The following PTH1R variants were observed in gnomAD, a reference collection of about 807,000 sequenced individuals.
The protein encoded by PTH1R is parathyroid hormone/parathyroid hormone-related peptide receptor.
Under a neutral mutation model 70.7 loss-of-function variants are expected in PTH1R, and 32 were observed. That is an observed-to-expected ratio of 0.45 (90% confidence interval 0.34 to 0.61). The LOEUF (loss-of-function observed/expected upper bound fraction) is 0.61. PTH1R is among the 20% of genes least tolerant of loss of function. PTH1R has a pLI of 0.01. For synonymous variants in PTH1R, 329 were observed against 324.8 expected, an observed-to-expected ratio of 1.01 and a Z score of -0.14; for missense variants, 626 against 792.5, an observed-to-expected ratio of 0.79 and a Z score of 2.52.
Position 46,895,811 on chromosome 3 carries a change from G to A in PTH1R, c.255G>A (p.Gly85=), listed in dbSNP as rs1199390407. The A allele has an allele frequency of 1.2e-5, 20 of 1,614,138 alleles. No homozygotes were observed. Among genetic ancestry groups the A allele is most frequent in the Non-Finnish European group, 1.6e-5 (19 of 1,180,036 alleles). The part of the protein sequence containing the change: ...SGKPRKDKAS[G]KLYPESEEDK... The stretch of plus-strand genomic sequence containing the variant: ...AGCCCAGGAAAGATAAGGCATCTGG[G>A]AAGCTCTACCCTGAGTCTGAGGAGG... The change falls in exon 5 of 16, where the codon GGG becomes GGA. Residue 85 remains glycine (G), a synonymous_variant. Coordinates refer to ENST00000449590, the MANE Select transcript of PTH1R (RefSeq NM_000316.3).
chr3:46,892,922 C>G lies in PTH1R; in HGVS notation c.76-985C>G. On this transcript the variant is annotated intron_variant, in intron 3 of 15. Transcript: ENST00000449590. The surrounding 1 kb of genome is among the most constrained non-coding windows in gnomAD (Gnocchi z 5.2). ...GGGCTGAGGGCTTCACAGCCCCGCC[C>G]TGGGGAGGTTTCAGAGACCGCCTTA... 6.6e-6 allele frequency: 4 copies of G among 602,670 alleles called. No homozygotes were observed. Among genetic ancestry groups the G allele is most frequent in the Non-Finnish European group, 8.3e-6 (4 of 479,178 alleles). 37.3% of individuals were successfully genotyped at this position (602,670 alleles called of 1,614,324 possible). A position where few individuals can be genotyped will look rare whatever the true frequency, so the allele number is the denominator to read the frequency against.
chr3:46,902,797 A>C lies in PTH1R; in HGVS notation c.1395+7A>C. 1 of 1,613,740 alleles carries C rather than the reference A, an allele frequency of 6.2e-7. No individual in the cohort carries two copies. ...CTGTTTCTGCAATGGCGAGGTAAGCAGGAGACAGTGTTGGCATAGGGCAGG... is the reference window on the plus strand; with the variant it reads ...CTGTTTCTGCAATGGCGAGGTAAGCCGGAGACAGTGTTGGCATAGGGCAGG... On this transcript the variant is annotated splice_region_variant and intron_variant, in intron 15 of 15. Transcript: ENST00000449590. The surrounding 1 kb of genome is among the most constrained non-coding windows in gnomAD (Gnocchi z 5.4).
chr3:46,900,947 G>A (rs1575524274), intron 10 of PTH1R, 78 bp from the exon 11 acceptor site: 1 of 1,475,344 alleles, frequency 6.8e-7, no homozygotes, highest in East Asian at 2.5e-5. Flanking sequence ...GTAAGCTGGG[G>A]GTCATCGAGG....
intron 3 of PTH1R, among the ~76,000 whole-genome samples, chr3:46,885,468 G>A (rs989887040): frequency 4.6e-5 from 7 of 152,122 alleles, no homozygotes; most frequent in Non-Finnish European, 1.0e-4. Context: ...TAACTGGCCC[G>A]AATCACACAA....
Position 46,903,474 on chromosome 3 carries a change from C to A in PTH1R, c.1600C>A (p.Leu534Met). 6.2e-7 allele frequency: 1 copy of A among 1,613,722 alleles called. No individual in the cohort carries two copies. The highest frequency in any genetic ancestry group is 8.5e-7 in the Non-Finnish European group (1 of 1,180,004). The change falls in exon 16 of 16, where the codon CTG (leucine) becomes ATG (methionine). Residue 534 changes from leucine to methionine, a missense_variant. Coordinates refer to ENST00000449590, the MANE Select transcript of PTH1R (RefSeq NM_000316.3). The surrounding 1 kb of genome is among the most constrained non-coding windows in gnomAD (Gnocchi z 4.4). ...PTATTNGHPQ[L>M]PGHAKPGTPA... ...TGCCACCACCAACGGCCACCCTCAG[C>A]TGCCTGGCCATGCCAAGCCAGGGAC...
At chr3:46,881,166 G>T (rs1007141681) in intron 2 of PTH1R, 48 bp downstream of exon 2, 2 of 152,274 alleles carry the variant, frequency 1.3e-5, no homozygotes, top group African/African-American at 4.8e-5. Flanking sequence ...TCATTTCCCA[G>T]GGCCTCATGC....
Position 46,883,749 on chromosome 3 carries a change from G to C in PTH1R, c.75+115G>C. 1 of 1,215,142 alleles carries C rather than the reference G, an allele frequency of 8.2e-7. No individual in the cohort carries two copies. The allele number at this position is 1,215,142 out of a possible 1,614,324, so 75.3% of individuals were successfully genotyped here. A position where few individuals can be genotyped will look rare whatever the true frequency, so the allele number is the denominator to read the frequency against. On this transcript the variant is annotated intron_variant, in intron 3 of 15. Coordinates refer to ENST00000449590, the MANE Select transcript of PTH1R (RefSeq NM_000316.3). This position sits in a 1 kb window ranked among gnomAD's most constrained non-coding sequence, Gnocchi z 6.4. ...CCCCAGTAGTTCGAACTTTGGGTGA[G>C]AGTCCCCTCTGATCCAGGATCCTGG... is the stretch of plus-strand genomic sequence containing the variant.
chr3:46,884,035 G>A lies in PTH1R; in HGVS notation c.75+401G>A, dbSNP rs11922659. Among the ~76,000 whole-genome samples, 3,122 of 152,264 alleles carry A rather than the reference G, an allele frequency of 0.021. 96 individuals carry two copies. The highest frequency in any genetic ancestry group is 0.067 in the East Asian group (345 of 5,178). ...TTTCTGCAAGTTTTGTTGCAGTCCC[G>A]GACACAGGGAATGTAGGTCTGAGGT... On this transcript the variant is annotated intron_variant, in intron 3 of 15. Transcript: ENST00000449590. The surrounding 1 kb of genome is among the most constrained non-coding windows in gnomAD (Gnocchi z 4.8).
Position 46,892,820 on chromosome 3 carries a change from G to A in PTH1R, c.76-1087G>A. ...GAGGAGACGTAGCCTTCTGGGGTAG[G>A]GATGGAGGGGGTCGTCTCAGGGGAC... On this transcript the variant is annotated intron_variant, in intron 3 of 15. Transcript: ENST00000449590. The surrounding 1 kb of genome is among the most constrained non-coding windows in gnomAD (Gnocchi z 5.2). 3 of 985,264 alleles carry A rather than the reference G, an allele frequency of 3.0e-6. No homozygotes were observed. The highest frequency in any genetic ancestry group is 3.6e-6 in the Non-Finnish European group (3 of 829,724). 61.0% of individuals were successfully genotyped at this position (985,264 alleles called of 1,614,324 possible).
At chr3:46,898,919 G>GC in intron 9 of PTH1R, 62 bp downstream of exon 9, 2 of 1,195,112 alleles carry the variant, frequency 1.7e-6, no homozygotes, top group Non-Finnish European at 2.2e-6. Context: ...GCCCCGCCCC[G>GC]CCCCGCTCCA....
intron 3 of PTH1R, among the ~76,000 whole-genome samples, chr3:46,889,550 C>G (rs1038024097): frequency 6.6e-6 from 1 of 152,112 alleles, no homozygotes; most frequent in Non-Finnish European, 1.5e-5. Flanking sequence ...CTCAGTGTCC[C>G]TGTCTGTAAA....
Position 46,899,562 on chromosome 3 carries a change from A to G in PTH1R, c.988+106A>G, listed in dbSNP as rs1157036062. ...GCGCCCACACAGCACATCCCGCCCC[A>G]AGTGGAACAGCAGGAGAGAGGCCTG... is the stretch of plus-strand genomic sequence containing the variant. On this transcript the variant is annotated intron_variant, in intron 10 of 15. Coordinates refer to ENST00000449590, the MANE Select transcript of PTH1R (RefSeq NM_000316.3). The G allele has an allele frequency of 2.8e-6, 4 of 1,419,892 alleles. No individual in the cohort carries two copies. The African/African-American group carries it at 5.6e-5, about 20-fold the overall frequency. The allele number at this position is 1,419,892 out of a possible 1,614,324, so 88.0% of individuals were successfully genotyped here.
chr3:46,902,907 C>G lies in PTH1R; in HGVS notation c.1395+117C>G, dbSNP rs764586815. The stretch of plus-strand genomic sequence containing the variant: ...ATTTCTTTGTTCCTCCAAGAACACC[C>G]CTGAGGACATTCTGAAAGCAGAGAA... On this transcript the variant is annotated intron_variant, in intron 15 of 15. Coordinates refer to ENST00000449590, the MANE Select transcript of PTH1R (RefSeq NM_000316.3). This position sits in a 1 kb window ranked among gnomAD's most constrained non-coding sequence, Gnocchi z 5.4. 3.5e-6 allele frequency: 5 copies of G among 1,410,190 alleles called. No homozygotes were observed. The highest frequency in any genetic ancestry group is 5.0e-6 in the Non-Finnish European group (5 of 1,004,614). 87.4% of individuals were successfully genotyped at this position (1,410,190 alleles called of 1,614,324 possible). A position where few individuals can be genotyped will look rare whatever the true frequency, so the allele number is the denominator to read the frequency against.
rs559877249 is a variant in PTH1R at position 46,891,365 on chromosome 3, T to A, written c.76-2542T>A. Among the ~76,000 whole-genome samples the A allele has an allele frequency of 4.6e-5, 7 of 152,194 alleles. No homozygotes were observed. The East Asian group carries it at 9.7e-4, about 21-fold the overall frequency. ...AGCTTTCGGTGGTCAGGCTGCCCAA[T>A]GGCCACTCAGTTTTCAACCCATGAC... On this transcript the variant is annotated intron_variant, in intron 3 of 15. Coordinates refer to ENST00000449590, the MANE Select transcript of PTH1R (RefSeq NM_000316.3). The surrounding 1 kb of genome is among the most constrained non-coding windows in gnomAD (Gnocchi z 4.3).
At position 46,903,788 on chromosome 3, in the gene PTH1R, A is replaced by C; in HGVS notation, c.*132A>C. 13 of 1,416,418 alleles carry C rather than the reference A, an allele frequency of 9.2e-6. No individual in the cohort carries two copies. The highest frequency in any genetic ancestry group is 1.3e-5 in the South Asian group (1 of 74,678). 87.7% of individuals were successfully genotyped at this position (1,416,418 alleles called of 1,614,324 possible). A position where few individuals can be genotyped will look rare whatever the true frequency, so the allele number is the denominator to read the frequency against. ...GGGAAAAAAAGAAAAAAAAAAGAAA[A>C]AGGAAAAGGAAGCGGTGTGTGGCTT... On this transcript the variant is annotated 3_prime_UTR_variant, in exon 16 of 16. Coordinates refer to ENST00000449590, the MANE Select transcript of PTH1R (RefSeq NM_000316.3). The surrounding 1 kb of genome is among the most constrained non-coding windows in gnomAD (Gnocchi z 4.4).
intron 4 of PTH1R, 44 bp from the exon 5 acceptor site, chr3:46,895,691 T>C: frequency 6.2e-7 from 1 of 1,613,720 alleles, no homozygotes; most frequent in Non-Finnish European, 8.5e-7. Context: ...GGTCTCCTGT[T>C]GTAGCACAGC....
chr3:46,895,488 A>T (rs947902531), intron 4 of PTH1R, among the ~76,000 whole-genome samples: 2 of 152,082 alleles, frequency 1.3e-5, no homozygotes, highest in Non-Finnish European at 2.9e-5. Context: ...CCACTAGCTG[A>T]TCCTGCACTC....
intron 3 of PTH1R, among the ~76,000 whole-genome samples, chr3:46,886,078 G>T (rs547764641): frequency 6.6e-6 from 1 of 152,324 alleles, no homozygotes; most frequent in African/African-American, 2.4e-5. Context: ...AGTCTGGGGC[G>T]GGGTGGAGTT....
chr3:46,899,524 C>T (rs1239346754), intron 10 of PTH1R, 68 bp downstream of exon 10: 4 of 1,564,224 alleles, frequency 2.6e-6, no homozygotes, highest in Non-Finnish European at 3.5e-6. Flanking sequence ...GAGAGGGCAG[C>T]CCCTGGGGGG....
Sources: allele counts gnomAD v4.1 joint callset (sites outside exome capture counted in the v4.1 genomes callset), GRCh38; gene constraint gnomAD v4.1.1; non-coding constraint Gnocchi (gnomAD v3.1); transcripts MANE v1.5; gene names NCBI Gene and HGNC (gene_info 2026-07-23, HGNC 2026-07-21).